The following MUC5B variants were observed in gnomAD, a reference collection of about 807,000 sequenced individuals.
The protein encoded by MUC5B is mucin 5B, oligomeric mucus/gel-forming.
A neutral mutation model predicts 376.9 loss-of-function variants in MUC5B; 116 were observed. That is an observed-to-expected ratio of 0.31 (90% confidence interval 0.26 to 0.36). The LOEUF is 0.36. MUC5B is among the 10% of genes least tolerant of loss of function. The pLI, the probability that MUC5B is intolerant of heterozygous loss-of-function variation, is 1.00. For missense variants in MUC5B, 7,165 were observed against 7,769.9 expected (o/e 0.92, Z 2.93); for synonymous variants, 3,517 against 3,390.9 (o/e 1.04, Z -1.29).
At position 1,252,961 on chromosome 11, in the gene MUC5B, C is replaced by T; in HGVS notation, c.15198C>T (p.Asp5066=). ...IKVSDPSQPC[D]FHYECECICS... is the part of the protein sequence containing the mutation. Reference sequence around the variant, plus strand: ...TGTCGGACCCGAGCCAGCCCTGTGACTTCCACTATGAGTGCGAGTGTGAGT... The same window carrying T: ...TGTCGGACCCGAGCCAGCCCTGTGATTTCCACTATGAGTGCGAGTGTGAGT... Residue 5066 remains aspartate (D), a synonymous_variant, in exon 33 of 49, where the codon GAC becomes GAT. Transcript: ENST00000529681. 2 of 1,612,682 alleles carry T rather than the reference C, an allele frequency of 1.2e-6. No individual in the cohort carries two copies. Among genetic ancestry groups the T allele is most frequent in the Non-Finnish European group, 1.7e-6 (2 of 1,179,858 alleles).
Position 1,242,175 on chromosome 11 carries a change from A to G in MUC5B, c.5295A>G (p.Thr1765=), listed in dbSNP as rs1011457148. 7.4e-6 allele frequency: 12 copies of G among 1,613,546 alleles called. No individual in the cohort carries two copies. The highest frequency in any genetic ancestry group is 1.7e-5 in the Admixed American group (1 of 60,032). Residue 1765 remains threonine, a synonymous_variant, in exon 31 of 49, where the codon ACA becomes ACG. Transcript: ENST00000529681. Reference sequence around the variant, plus strand: ...AGGCCGAGACCAGCACGCCCAGGACAGAGACGACAATGAGCCCCTTGACTA... The same window carrying G: ...AGGCCGAGACCAGCACGCCCAGGACGGAGACGACAATGAGCCCCTTGACTA... ...TSQAETSTPR[T]ETTMSPLTNT... is the part of the protein sequence containing the mutation.
chr11:1,225,760 G>A (rs1442717032), intron 2 of MUC5B, 23 bp downstream of exon 2: 2 of 1,597,030 alleles, frequency 1.3e-6, no homozygotes, highest in African/African-American at 2.7e-5. Flanking sequence ...GTTCGGGGGT[G>A]GGGGGTTCCT....
rs1861986266 is a variant in MUC5B at position 1,230,008 on chromosome 11, C to T, written c.1224C>T (p.Thr408=). The part of the protein sequence containing the change: ...TSFNTTCSSC[T]CSGGLWQCQD... ...TGCTCACGGCCTCCCTCCCCAGCAC[C>T]TGCTCCGGGGGGCTATGGCAGTGCC... Residue 408 remains threonine, a synonymous_variant, in exon 11 of 49, where the codon ACC becomes ACT. Coordinates refer to ENST00000529681, the MANE Select transcript of MUC5B (RefSeq NM_002458.3). 6.3e-7 allele frequency: 1 copy of T among 1,593,100 alleles called. No homozygotes were observed. The highest frequency in any genetic ancestry group is 8.5e-7 in the Non-Finnish European group (1 of 1,169,878).
At position 1,246,710 on chromosome 11, in the gene MUC5B, C is replaced by A. The variant is rs1439944281; in HGVS notation, c.9830C>A (p.Ser3277Tyr). Residue 3277 changes from serine to tyrosine, a missense_variant, in exon 31 of 49, where the codon TCC (serine) becomes TAC (tyrosine). Around this residue, in one of 31 missense-constraint regions of MUC5B, gnomAD observed 939 missense variants for 770.6 expected, o/e 1.22. Transcript: ENST00000529681. ...PSSTPETVHT[S>Y]TVLTTTTTTT... The stretch of plus-strand genomic sequence containing the variant: ...TCTACTCCAGAGACTGTCCACACCT[C>A]CACAGTGCTTACCACCACGACCACC... 6.2e-7 allele frequency: 1 copy of A among 1,609,986 alleles called. No individual in the cohort carries two copies. Among genetic ancestry groups the A allele is most frequent in the African/African-American group, 1.3e-5 (1 of 74,452 alleles).
chr11:1,255,440 C>T lies in MUC5B; in HGVS notation c.15948C>T (p.Ile5316=). ...VPPGPFFNAC[I]SDHCRGRLEV... ...CGGGCCCATTCTTCAACGCCTGCAT[C>T]AGCGACCACTGCAGGGGCCGCCTTG... Residue 5316 remains isoleucine (I), a synonymous_variant, in exon 37 of 49, where the codon ATC becomes ATT. Coordinates refer to ENST00000529681, the MANE Select transcript of MUC5B (RefSeq NM_002458.3). 6.2e-7 allele frequency: 1 copy of T among 1,604,354 alleles called. No individual in the cohort carries two copies. Among genetic ancestry groups the T allele is most frequent in the Non-Finnish European group, 8.5e-7 (1 of 1,176,142 alleles).
In MUC5B at chr11:1,251,694, C is replaced by G. The variant is rs778652821; in HGVS notation, c.14814C>G (p.His4938Gln). ...GACCCACTGGCTTCCCCAGCTCCCA[C>G]TTCTCTACTCCCTGCTTCTGCAGGG... The part of the protein sequence containing the change: ...TLRPTGFPSS[H>Q]FSTPCFCRAF... Residue 4938 changes from histidine (H) to glutamine (Q), a missense_variant, in exon 31 of 49, where the codon CAC becomes CAG. By Grantham distance (24) the His-to-Gln change is conservative. Transcript: ENST00000529681. 8.7e-6 allele frequency: 14 copies of G among 1,611,882 alleles called. No individual in the cohort carries two copies. In the Admixed American group the frequency reaches 2.0e-4, roughly 23 times the overall value.
At chr11:1,227,516 A>C in intron 6 of MUC5B, 118 bp downstream of exon 6, 2 of 768,560 alleles carry the variant, frequency 2.6e-6, no homozygotes, top group East Asian at 2.7e-5. Context: ...GGGAGGGGCC[A>C]CGAGGACTGT....
Position 1,249,047 on chromosome 11 carries a change from C to T in MUC5B, c.12167C>T (p.Thr4056Ile). The change falls in exon 31 of 49, where the codon ACC becomes ATC. Residue 4056 changes from threonine (T) to isoleucine (I), a missense_variant. Thr to Ile is a moderately conservative substitution (Grantham distance 89, BLOSUM62 -1). Around this residue, in one of 31 missense-constraint regions of MUC5B, gnomAD observed 85 missense variants for 78.2 expected, o/e 1.09. Coordinates refer to ENST00000529681, the MANE Select transcript of MUC5B (RefSeq NM_002458.3). ...TGTSHTPAATTGTTQHSTPAL... is the reference protein window; with the variant it reads ...TGTSHTPAATIGTTQHSTPAL... ...ACTTCCCACACCCCAGCAGCAACCA[C>T]CGGTACCACCCAGCACTCGACTCCA... 6.2e-7 allele frequency: 1 copy of T among 1,610,692 alleles called. No individual in the cohort carries two copies. Among genetic ancestry groups the T allele is most frequent in the African/African-American group, 1.3e-5 (1 of 74,652 alleles).
intron 30 of MUC5B, among the ~76,000 whole-genome samples, 177 bp downstream of exon 30, chr11:1,240,552 C>T (rs751483768): frequency 2.0e-5 from 3 of 152,198 alleles, no homozygotes; most frequent in South Asian, 2.1e-4. Context: ...GGGCTCCCCA[C>T]GAAGCCTCAG....
Position 1,246,359 on chromosome 11 carries a change from C to T in MUC5B, c.9479C>T (p.Thr3160Ile), listed in dbSNP as rs765444110. The T allele has an allele frequency of 1.2e-6, 2 of 1,604,464 alleles. No homozygotes were observed. Among genetic ancestry groups the T allele is most frequent in the African/African-American group, 1.3e-5 (1 of 74,656 alleles). Residue 3160 changes from threonine to isoleucine, a missense_variant, in exon 31 of 49, where the codon ACC (threonine) becomes ATC (isoleucine). Thr to Ile is a moderately conservative substitution (Grantham distance 89, BLOSUM62 -1). Transcript: ENST00000529681. The stretch of plus-strand genomic sequence containing the variant: ...GCCACCCCGTCCTCCACCCCAGGGA[C>T]CACCTGGATCCTCACAGAGCCCAGC... Reference protein sequence around the residue: ...PTATPSSTPGTTWILTEPSTT... With the variant: ...PTATPSSTPGITWILTEPSTT...
chr11:1,242,171 G>A lies in MUC5B; in HGVS notation c.5291G>A (p.Arg1764Lys), dbSNP rs756784263. ...TCTCAGGCCGAGACCAGCACGCCCA[G>A]GACAGAGACGACAATGAGCCCCTTG... is the stretch of plus-strand genomic sequence containing the variant. The part of the protein sequence containing the change: ...STSQAETSTP[R>K]TETTMSPLTN... The change falls in exon 31 of 49, where the codon AGG becomes AAG. Residue 1764 changes from arginine (R) to lysine (K), a missense_variant. Around this residue, in one of 31 missense-constraint regions of MUC5B, gnomAD observed 897 missense variants for 779.6 expected, o/e 1.15. Transcript: ENST00000529681. 1.2e-6 allele frequency: 2 copies of A among 1,613,434 alleles called. No homozygotes were observed. Among genetic ancestry groups the A allele is most frequent in the African/African-American group, 1.3e-5 (1 of 74,918 alleles).
intron 24 of MUC5B, 69 bp from the exon 25 acceptor site, chr11:1,236,856 C>T (rs1299488106): frequency 7.9e-6 from 11 of 1,398,310 alleles, no homozygotes; most frequent in Non-Finnish European, 9.3e-6. Flanking sequence ...CCAGGGTGGG[C>T]TCTGTGCTGC....
At position 1,237,036 on chromosome 11, in the gene MUC5B, C is replaced by T. The variant is rs1275686385; in HGVS notation, c.3169C>T (p.Leu1057Phe). Residue 1057 changes from leucine to phenylalanine, a missense_variant, in exon 25 of 49, where the codon CTC becomes TTC. Coordinates refer to ENST00000529681, the MANE Select transcript of MUC5B (RefSeq NM_002458.3). ...ACTGGAGTTTGGGAACAGCTGGAAG[C>T]TCTCCCCCTCCTGCCCGGACGCCCT... Reference protein sequence around the residue: ...DALEFGNSWKLSPSCPDALAP... With the variant: ...DALEFGNSWKFSPSCPDALAP... 6.3e-7 allele frequency: 1 copy of T among 1,578,866 alleles called. No homozygotes were observed. Among genetic ancestry groups the T allele is most frequent in the Admixed American group, 1.8e-5 (1 of 55,010 alleles).
intron 15 of MUC5B, 39 bp from the exon 16 acceptor site, chr11:1,232,411 G>A (rs1419061758): frequency 6.4e-6 from 10 of 1,557,642 alleles, no homozygotes; most frequent in Admixed American, 1.9e-5. Flanking sequence ...TGTGGGCTTC[G>A]GGGCAGGGCG....
intron 34 of MUC5B, 97 bp from the exon 35 acceptor site, chr11:1,254,597 G>T: frequency 7.5e-7 from 1 of 1,327,514 alleles, no homozygotes; most frequent in Non-Finnish European, 1.0e-6. Context: ...ACACAGGGGG[G>T]TCTCTGCACA....
Position 1,223,183 on chromosome 11 carries a change from G to T in MUC5B, c.60G>T (p.Val20=), listed in dbSNP as rs906818223. Residue 20 remains valine, a synonymous_variant, in exon 1 of 49, where the codon GTG becomes GTT. Coordinates refer to ENST00000529681, the MANE Select transcript of MUC5B (RefSeq NM_002458.3). Reference sequence around the variant, plus strand: ...TGGCTCTGGCGGCCATGCTCGTGGTGCCGCAGGCAGGTAAGAGCCCCCCAC... The same window carrying T: ...TGGCTCTGGCGGCCATGCTCGTGGTTCCGCAGGCAGGTAAGAGCCCCCCAC... ...LVLALAAMLV[V]PQAETQGPVE... is the part of the protein sequence containing the mutation. 9 of 710,898 alleles carry T rather than the reference G, an allele frequency of 1.3e-5. No homozygotes were observed. The highest frequency in any genetic ancestry group is 2.1e-5 in the Non-Finnish European group (8 of 384,672). The allele number at this position is 710,898 out of a possible 1,614,324, so 44.0% of individuals were successfully genotyped here.
In MUC5B at chr11:1,234,070, G is replaced by A. The variant is rs552944403; in HGVS notation, c.2378-135G>A. On this transcript the variant is annotated intron_variant, in intron 19 of 48. Transcript: ENST00000529681. This position sits in a 1 kb window ranked among gnomAD's most constrained non-coding sequence, Gnocchi z 6.3. ...GTGGCCGGGGTGTCCTGGGGTTGGG[G>A]GCTGCAGGTGTCATGGAAGCTTTGG... is the stretch of plus-strand genomic sequence containing the variant. 5.2e-4 allele frequency: 434 copies of A among 829,998 alleles called. 1 individual carries two copies. Among genetic ancestry groups the A allele is most frequent in the African/African-American group, 7.2e-4 (43 of 59,386 alleles). The allele number at this position is 829,998 out of a possible 1,614,324, so 51.4% of individuals were successfully genotyped here. A position where few individuals can be genotyped will look rare whatever the true frequency, so the allele number is the denominator to read the frequency against.
chr11:1,229,287 GC>G lies in MUC5B; in HGVS notation c.1100del (p.Pro367GlnfsTer105). The G allele has an allele frequency of 3.2e-6, 5 of 1,574,504 alleles. No homozygotes were observed. The highest frequency in any genetic ancestry group is 1.8e-5 in the Admixed American group (1 of 56,092). On this transcript the variant is annotated frameshift_variant, in exon 9 of 49. Coordinates refer to ENST00000529681, the MANE Select transcript of MUC5B (RefSeq NM_002458.3). LOFTEE classifies it high-confidence loss of function. ...GACCACTGTGTGGACGGCTGCTTCTGCCCCCCAGGCAGGTCTTGTGTGCCCT... is the reference window on the plus strand; with the variant it reads ...GACCACTGTGTGGACGGCTGCTTCTGCCCCCAGGCAGGTCTTGTGTGCCCT... ...CEDHCVDGCF[C>X]PPGTVLDDIT...
Position 1,250,794 on chromosome 11 carries a change from C to A in MUC5B, c.13914C>A (p.Thr4638=). The part of the protein sequence containing the change: ...TTPTTSGSTV[T]PSSIPGTTHT... The stretch of plus-strand genomic sequence containing the variant: ...CCACAACCAGTGGCTCCACGGTGAC[C>A]CCCTCCTCCATCCCGGGGACCACCC... The change falls in exon 31 of 49, where the codon ACC becomes ACA. Residue 4638 remains threonine (T), a synonymous_variant. Transcript: ENST00000529681. 1 of 1,613,382 alleles carries A rather than the reference C, an allele frequency of 6.2e-7. No homozygotes were observed. The highest frequency in any genetic ancestry group is 8.5e-7 in the Non-Finnish European group (1 of 1,179,626).
Sources: gnomAD v4.1 joint callset for allele counts (sites outside exome capture counted in the v4.1 genomes callset) on GRCh38, gnomAD v4.1.1 for gene constraint, gnomAD v4.1.1 regional missense constraint, Gnocchi (gnomAD v3.1) non-coding constraint, MANE v1.5 for transcripts, NCBI Gene and HGNC (gene_info 2026-07-23, HGNC 2026-07-21) for gene names.